OLFM3: variants seen among roughly 807,000 people sequenced by gnomAD.
The protein encoded by OLFM3 is noelin-3.
OLFM3 carries 20 observed loss-of-function variants against 48.6 expected under a neutral mutation model. The ratio of observed to expected loss-of-function variants is 0.41; its 90% CI spans 0.29 to 0.60. The LOEUF (loss-of-function observed/expected upper bound fraction) is 0.60. Among genes scored for constraint, OLFM3 ranks in the 20% least tolerant of loss-of-function variants. The probability of loss-of-function intolerance (pLI) is 0.28; values close to 1 mark genes in which losing one functional copy is unlikely to be tolerated. For missense variants in OLFM3, 437 were observed against 544.3 expected (o/e 0.80, Z 1.96); for synonymous variants, 222 against 198.1 (o/e 1.12, Z -1.01).
intron 4 of OLFM3, among the ~76,000 whole-genome samples, chr1:101,824,804 G>A (rs1328907000): frequency 1.3e-5 from 2 of 152,110 alleles, no homozygotes; most frequent in Admixed American, 1.3e-4. Context: ...CTTATTTGAA[G>A]CCACCAAATG....
Position 101,866,502 on chromosome 1 carries a change from C to A in OLFM3, c.70-29477G>T, listed in dbSNP as rs72987962. 2.0e-5 allele frequency among the ~76,000 whole-genome samples: 3 copies of A among 151,730 alleles called. No individual in the cohort carries two copies. The East Asian group carries it at 5.8e-4, about 29-fold the overall frequency. ...AATTTAAATGCTTGCTTCATAAAAG[C>A]GTAAGTAGTTTGTTAAATGTCAAGG... On this transcript the variant is annotated intron_variant, in intron 1 of 5. Transcript: ENST00000370103.
intron 4 of OLFM3, among the ~76,000 whole-genome samples, chr1:101,807,033 C>T (rs1210086475): frequency 1.3e-5 from 2 of 151,764 alleles, no homozygotes; most frequent in Admixed American, 1.3e-4. Flanking sequence ...AAAGTTTTAA[C>T]TGTATTTTAA....
intron 1 of OLFM3, among the ~76,000 whole-genome samples, chr1:101,977,549 G>T (rs1486184675): frequency 6.6e-6 from 1 of 152,112 alleles, no homozygotes; most frequent in Non-Finnish European, 1.5e-5. Flanking sequence ...AGGATCACTA[G>T]TTAGTTCAAT....
intron 1 of OLFM3, among the ~76,000 whole-genome samples, chr1:101,967,097 A>C (rs1660634334): frequency 6.6e-6 from 1 of 152,134 alleles, no homozygotes; most frequent in Non-Finnish European, 1.5e-5. Flanking sequence ...ATTGACCTTC[A>C]CCTTTTTATC....
intron 1 of OLFM3, among the ~76,000 whole-genome samples, chr1:101,913,772 C>A (rs969964344): frequency 1.6e-4 from 25 of 151,524 alleles, no homozygotes; most frequent in South Asian, 4.2e-4. Flanking sequence ...TAAGCAATAA[C>A]CCCCATCATC....
At chr1:101,896,444 G>A (rs1437527915) in intron 1 of OLFM3, among the ~76,000 whole-genome samples, 1 of 148,572 alleles carries the variant, frequency 6.7e-6, no homozygotes, top group Non-Finnish European at 1.5e-5. Flanking sequence ...ATTTACTGCA[G>A]TTGTGCAGGA....
chr1:101,936,245 G>A (rs950932484), intron 1 of OLFM3, among the ~76,000 whole-genome samples: 11 of 152,138 alleles, frequency 7.2e-5, no homozygotes, highest in South Asian at 2.1e-4. Flanking sequence ...AAGCTCCTAC[G>A]TCTGACAAAC....
intron 1 of OLFM3, among the ~76,000 whole-genome samples, chr1:101,977,635 G>A (rs1394543196): frequency 1.3e-5 from 2 of 152,256 alleles, no homozygotes; most frequent in South Asian, 2.1e-4. Flanking sequence ...CTGTAAGTGA[G>A]TAAAGACAGA....
chr1:101,975,694 G>A (rs11164357), intron 1 of OLFM3, among the ~76,000 whole-genome samples: 38,029 of 151,930 alleles, frequency 0.25, 5,301 homozygotes, highest in Middle Eastern at 0.36. Flanking sequence ...CAATGATTTC[G>A]GCAGAGATTG....
chr1:101,885,275 T>A (rs1430008074), intron 1 of OLFM3, among the ~76,000 whole-genome samples: 3 of 151,990 alleles, frequency 2.0e-5, no homozygotes, highest in Non-Finnish European at 4.4e-5. Context: ...GAAGATGACT[T>A]TATGGAGATG....
chr1:101,867,189 C>T (rs1162494377), intron 1 of OLFM3, among the ~76,000 whole-genome samples: 2 of 152,236 alleles, frequency 1.3e-5, no homozygotes, highest in Admixed American at 6.5e-5. Context: ...AAAACATGAC[C>T]ATTGTTGCAC....
At chr1:101,987,642 G>T (rs930227295) in intron 1 of OLFM3, among the ~76,000 whole-genome samples, 1 of 152,064 alleles carries the variant, frequency 6.6e-6, no homozygotes, top group Non-Finnish European at 1.5e-5. Context: ...ACATTTTGGT[G>T]CTAGTTAATC....
At chr1:101,835,458 G>A (rs1039427544) in intron 2 of OLFM3, among the ~76,000 whole-genome samples, 1 of 152,178 alleles carries the variant, frequency 6.6e-6, no homozygotes, top group Non-Finnish European at 1.5e-5. Context: ...GGTATTACAG[G>A]TGCACACCAC....
Position 101,825,015 on chromosome 1 carries a change from G to A in OLFM3, c.592+11C>T. 1.2e-6 allele frequency: 2 copies of A among 1,609,206 alleles called. No individual in the cohort carries two copies. Among genetic ancestry groups the A allele is most frequent in the Non-Finnish European group, 8.5e-7 (1 of 1,175,836 alleles). ...AAACGTAACTTAGACAAATTAAATT[G>A]TCATACTCACTTAGCTTTTTCATGC... On this transcript the variant is annotated intron_variant, in intron 4 of 5. Transcript: ENST00000370103.
intron 1 of OLFM3, among the ~76,000 whole-genome samples, chr1:101,950,101 CT>C (rs1660090302): frequency 6.6e-6 from 1 of 150,962 alleles, no homozygotes; most frequent in South Asian, 2.1e-4. Context: ...CTAAAATTTA[CT>C]TACCATATTT....
intron 1 of OLFM3, among the ~76,000 whole-genome samples, chr1:101,838,801 C>T (rs1035540908): frequency 6.6e-6 from 1 of 152,156 alleles, no homozygotes; most frequent in Non-Finnish European, 1.5e-5. Flanking sequence ...CTTAAAGTAA[C>T]TAAAGCATGA....
intron 1 of OLFM3, among the ~76,000 whole-genome samples, chr1:101,961,826 T>TA (rs1026532768): frequency 1.3e-4 from 20 of 152,034 alleles, no homozygotes; most frequent in Admixed American, 5.9e-4. Flanking sequence ...GCTAGTATGT[T>TA]AAAAAAATCG....
chr1:101,956,903 T>C (rs1239297827), intron 1 of OLFM3, among the ~76,000 whole-genome samples: 4 of 151,880 alleles, frequency 2.6e-5, no homozygotes, highest in African/African-American at 9.7e-5. Context: ...TAATAACTAA[T>C]GCTTTATTAC....
intron 1 of OLFM3, among the ~76,000 whole-genome samples, chr1:101,847,957 CA>C (rs1427324264): frequency 2.6e-5 from 4 of 152,162 alleles, no homozygotes; most frequent in Admixed American, 2.6e-4. Context: ...GTTTTTTCTA[CA>C]ATATAAGGAT....
Sources: allele counts gnomAD v4.1 joint callset (sites outside exome capture counted in the v4.1 genomes callset), GRCh38; gene constraint gnomAD v4.1.1; transcripts MANE v1.5; gene names NCBI Gene and HGNC (gene_info 2026-07-23, HGNC 2026-07-21).